The following ATG16L2 variants were observed in gnomAD, a reference collection of about 807,000 sequenced individuals.
ATG16L2 encodes the protein autophagy related 16 like 2.
A neutral mutation model predicts 84.7 loss-of-function variants in ATG16L2; 77 were observed. That is an observed-to-expected ratio of 0.91 (90% CI 0.76 to 1.10). ATG16L2 has a LOEUF of 1.10. ATG16L2 is among the 50% of genes least tolerant of loss of function. The probability of loss-of-function intolerance (pLI) is 0.00; values close to 1 mark genes in which losing one functional copy is unlikely to be tolerated. For synonymous variants in ATG16L2, 361 were observed against 342.8 expected (o/e 1.05, Z -0.59); for missense variants, 782 against 817.6 (o/e 0.96, Z 0.53).
rs768160673 is a variant in ATG16L2, at chr11:72,825,377, C to G, written c.1072C>G (p.Arg358Gly). 1 of 1,612,804 alleles carries G rather than the reference C, an allele frequency of 6.2e-7. No individual in the cohort carries two copies. Among genetic ancestry groups the G allele is most frequent in the East Asian group, 2.2e-5 (1 of 44,868 alleles). The change falls in exon 10 of 18, where the codon CGC becomes GGC. Residue 358 changes from arginine to glycine, a missense_variant. Transcript: ENST00000321297. Reference protein sequence around the residue: ...SSLLATGGADRLIHLWNVVGS... With the variant: ...SSLLATGGADGLIHLWNVVGS... ...CCTCCTGGCCACTGGAGGGGCTGAC[C>G]GCCTGATCCACCTCTGGAATGTTGT... is the stretch of plus-strand genomic sequence containing the variant.
At chr11:72,841,340 C>CAAAAAAAA (rs59748827) in intron 5 of ATG16L2, 48 of 373,836 alleles carry the variant, frequency 1.3e-4, no homozygotes, top group East Asian at 3.8e-4. Flanking sequence ...ACTCTGTCTC[C>CAAAAAAAA]AAAAAAAAAA....
At chr11:72,834,093 A>C (rs1007595905), downstream of ATG16L2, among the ~76,000 whole-genome samples, 1 of 152,246 alleles carries the variant, frequency 6.6e-6, no homozygotes, top group Non-Finnish European at 1.5e-5. Context: ...TAACAAGGCA[A>C]ACACAGGAAG....
chr11:72,828,491 C>A lies in ATG16L2; in HGVS notation c.1605C>A (p.Asn535Lys). 2 of 1,614,222 alleles carry A rather than the reference C, an allele frequency of 1.2e-6. No individual in the cohort carries two copies. The highest frequency in any genetic ancestry group is 1.7e-6 in the Non-Finnish European group (2 of 1,180,054). Residue 535 changes from asparagine to lysine, a missense_variant, in exon 15 of 18, where the codon AAC becomes AAA. Asn to Lys is a moderately conservative substitution (Grantham distance 94, BLOSUM62 0). Coordinates refer to ENST00000321297, the MANE Select transcript of ATG16L2 (RefSeq NM_033388.2). ...AGGTCATCGACCTGCGTGTCAGCAACATCCGCCAGGTGTTCAGGTACCAGC... is the reference window on the plus strand; with the variant it reads ...AGGTCATCGACCTGCGTGTCAGCAAAATCCGCCAGGTGTTCAGGTACCAGC... ...TLKVIDLRVS[N>K]IRQVFRADGF...
Position 72,822,757 on chromosome 11 carries a change from T to C in ATG16L2, c.711-91T>C. Reference sequence around the variant, plus strand: ...TACACCCACACAGAACCCTCATCACTGGGAATTCCTGTCTTCAGCGTATCC... The same window carrying C: ...TACACCCACACAGAACCCTCATCACCGGGAATTCCTGTCTTCAGCGTATCC... On this transcript the variant is annotated intron_variant, in intron 6 of 17. Transcript: ENST00000321297. This position sits in a 1 kb window ranked among gnomAD's most constrained non-coding sequence, Gnocchi z 4.2. 6 of 1,118,572 alleles carry C rather than the reference T, an allele frequency of 5.4e-6. No homozygotes were observed. The highest frequency in any genetic ancestry group is 7.7e-6 in the Non-Finnish European group (6 of 782,556). 69.3% of individuals were successfully genotyped at this position (1,118,572 alleles called of 1,614,324 possible).
chr11:72,823,682 T>G (rs1488629679), intron 7 of ATG16L2: 2 of 463,976 alleles, frequency 4.3e-6, no homozygotes, highest in Non-Finnish European at 8.6e-6. Context: ...TCCTGGGCAT[T>G]GCTGAGGTCA....
intron 17 of ATG16L2, 42 bp from the exon 18 acceptor site, chr11:72,829,261 G>C: frequency 6.2e-7 from 1 of 1,602,648 alleles, no homozygotes; most frequent in Non-Finnish European, 8.5e-7. Flanking sequence ...TGCAGGCGCA[G>C]TTCCTGAAGC....
At chr11:72,835,659 T>C (rs758458018) in intron 5 of ATG16L2, among the ~76,000 whole-genome samples, 3 of 152,220 alleles carry the variant, frequency 2.0e-5, no homozygotes, top group Non-Finnish European at 4.4e-5. Flanking sequence ...GGAAGCCAAT[T>C]TGGCAAAATC....
intron 1 of ATG16L2, 110 bp downstream of exon 1, chr11:72,814,673 A>G: frequency 5.8e-6 from 5 of 856,372 alleles, no homozygotes; most frequent in Non-Finnish European, 8.7e-6. Flanking sequence ...GCTGTGCCTT[A>G]TGCCTTGAGC....
rs140125425 is a variant in ATG16L2, at chr11:72,825,676, C to T, written c.1102+269C>T. ...CCCTGATGGGGATTGGTGGGGGTCC[C>T]CTATCATGAGGTCCTACAGGGACAG... On this transcript the variant is annotated intron_variant, in intron 10 of 17. Coordinates refer to ENST00000321297, the MANE Select transcript of ATG16L2 (RefSeq NM_033388.2). 1.6e-4 allele frequency among the ~76,000 whole-genome samples: 24 copies of T among 152,214 alleles called. No individual in the cohort carries two copies. In the East Asian group the frequency reaches 4.3e-3, roughly 27 times the overall value.
In ATG16L2 at chr11:72,826,564, G is replaced by GGAAGGTGGGGGAGGCACAGTC; in HGVS notation, c.1221_1241dup (p.Val409_Lys415dup). 1.2e-6 allele frequency: 2 copies of GGAAGGTGGGGGAGGCACAGTC among 1,614,182 alleles called. No homozygotes were observed. Among genetic ancestry groups the GGAAGGTGGGGGAGGCACAGTC allele is most frequent in the South Asian group, 2.2e-5 (2 of 91,082 alleles). Reference sequence around the variant, plus strand: ...ACTTACAACCAGGCTGCCCAGCTCTGGAAGGTGGGGGAGGCACAGTCCAAG... The same window carrying GGAAGGTGGGGGAGGCACAGTC: ...ACTTACAACCAGGCTGCCCAGCTCTGGAAGGTGGGGGAGGCACAGTCGAAGGTGGGGGAGGCACAGTCCAAG... On this transcript the variant is annotated inframe_insertion, in exon 12 of 18. Transcript: ENST00000321297.
intron 5 of ATG16L2, chr11:72,836,845 G>A (rs892105009): frequency 6.6e-6 from 1 of 152,556 alleles, no homozygotes; most frequent in African/African-American, 2.4e-5. Context: ...CTCCCTCCGA[G>A]CCCTGACCTG....
At chr11:72,814,758 C>G (rs1292724652) in intron 1 of ATG16L2, among the ~76,000 whole-genome samples, 195 bp downstream of exon 1, 1 of 152,250 alleles carries the variant, frequency 6.6e-6, no homozygotes, top group Non-Finnish European at 1.5e-5. Flanking sequence ...CCTGGACGAG[C>G]CCCTCCTGGT....
intron 7 of ATG16L2, 191 bp downstream of exon 7, chr11:72,823,152 AC>A: frequency 2.9e-5 from 15 of 523,332 alleles, no homozygotes; most frequent in Admixed American, 6.9e-5. Context: ...GTTCCATCTC[AC>A]CCCCCCAACC....
downstream of ATG16L2, among the ~76,000 whole-genome samples, chr11:72,832,510 G>T (rs577550172): frequency 1.3e-5 from 2 of 152,178 alleles, no homozygotes; most frequent in Admixed American, 1.3e-4. Context: ...GCATGTCAGC[G>T]GGAAGGCTGT....
In ATG16L2 at chr11:72,828,796, T is replaced by C. The variant is rs745615608; in HGVS notation, c.1670+20T>C. On this transcript the variant is annotated intron_variant, in intron 16 of 17. Transcript: ENST00000321297. ...GTTCAGGTATGTCCGTGAGAGCATA[T>C]GCCTGTGTCCAAGTGTGCCCTGCCG... 8.7e-6 allele frequency: 14 copies of C among 1,614,056 alleles called. No homozygotes were observed. Among genetic ancestry groups the C allele is most frequent in the Non-Finnish European group, 1.2e-5 (14 of 1,180,024 alleles).
intron 7 of ATG16L2, chr11:72,823,393 A>G (rs936303795): frequency 5.8e-6 from 2 of 342,668 alleles, no homozygotes; most frequent in Non-Finnish European, 1.2e-5. Context: ...ATATATAAGC[A>G]TGTGTAGATG....
rs1025624286 is a variant in ATG16L2, at chr11:72,821,157, C to G, written c.319-511C>G. 12 of 942,466 alleles carry G rather than the reference C, an allele frequency of 1.3e-5. No individual in the cohort carries two copies. The African/African-American group carries it at 2.1e-4, about 17-fold the overall frequency. The allele number at this position is 942,466 out of a possible 1,614,324, so 58.4% of individuals were successfully genotyped here. On this transcript the variant is annotated intron_variant, in intron 3 of 17. Transcript: ENST00000321297. ...AATCTCTTAGCTACGTGACTTTGGG[C>G]AAGACACTTAAACCTCTCTGTCGGT...
intron 3 of ATG16L2, 52 bp downstream of exon 3, chr11:72,817,907 G>T (rs753405914): frequency 2.7e-5 from 40 of 1,487,734 alleles, no homozygotes; most frequent in Admixed American, 3.7e-5. Flanking sequence ...GTCCAAGGGA[G>T]CCAGCCAGTG....
chr11:72,819,951 T>A (rs996660947), intron 3 of ATG16L2, among the ~76,000 whole-genome samples: 2 of 152,124 alleles, frequency 1.3e-5, no homozygotes, highest in Non-Finnish European at 2.9e-5. Flanking sequence ...TTCACCATGT[T>A]AGCTAGGATG....
Sources: allele counts gnomAD v4.1 joint callset (sites outside exome capture counted in the v4.1 genomes callset), GRCh38; gene constraint gnomAD v4.1.1; non-coding constraint Gnocchi (gnomAD v3.1); transcripts MANE v1.5; gene names NCBI Gene and HGNC (gene_info 2026-07-23, HGNC 2026-07-21).